The following MMEL1 variants were observed in gnomAD, a reference collection of about 807,000 sequenced individuals.
The protein encoded by MMEL1 is membrane metalloendopeptidase like 1.
In MMEL1, 98 loss-of-function variants were observed where a neutral mutation model predicts 117.1. That is an observed-to-expected ratio of 0.84 (90% CI 0.71 to 0.99). The LOEUF (loss-of-function observed/expected upper bound fraction) is 0.99. MMEL1 is among the 50% of genes least tolerant of loss of function. MMEL1 has a pLI of 0.00. For missense variants in MMEL1, 1,014 were observed against 1,049.1 expected, an observed-to-expected ratio of 0.97 and a Z score of 0.46; for synonymous variants, 390 against 415.1, an observed-to-expected ratio of 0.94 and a Z score of 0.74.
Position 2,629,536 on chromosome 1 carries a change from C to CAGGGGAGAGGGGAG in MMEL1, c.-37-29_-37-16dup, listed in dbSNP as rs559249154. On this transcript the variant is annotated splice_polypyrimidine_tract_variant and intron_variant, in intron 1 of 23. Coordinates refer to ENST00000378412, the MANE Select transcript of MMEL1 (RefSeq NM_033467.4). ...CGCGGAGGAACCTGCAGGCCCAGGG[C>CAGGGGAGAGGGGAG]AGGGGAGAGGGGAGAGGGGCGTGGA... The CAGGGGAGAGGGGAG allele has an allele frequency of 7.1e-6, 10 of 1,417,252 alleles. No individual in the cohort carries two copies. Among genetic ancestry groups the CAGGGGAGAGGGGAG allele is most frequent in the African/African-American group, 1.5e-5 (1 of 67,288 alleles). 87.8% of individuals were successfully genotyped at this position (1,417,252 alleles called of 1,614,324 possible).
intron 11 of MMEL1, among the ~76,000 whole-genome samples, chr1:2,600,028 T>C (rs6689711): frequency 0.58 from 88,207 of 151,886 alleles, 26,721 homozygotes; most frequent in Non-Finnish European, 0.68. Flanking sequence ...AGTGCAGCAG[T>C]GCAATCTTGG....
intron 8 of MMEL1, among the ~76,000 whole-genome samples, 167 bp from the exon 9 acceptor site, chr1:2,605,790 C>T (rs115315993): frequency 0.047 from 6,069 of 130,196 alleles, 224 homozygotes; most frequent in African/African-American, 0.11. Flanking sequence ...GACCCTGCCC[C>T]GAGTGATGGT....
intron 18 of MMEL1, 81 bp downstream of exon 18, chr1:2,594,304 G>C (rs1644794988): frequency 7.0e-7 from 1 of 1,419,194 alleles, no homozygotes. Flanking sequence ...CCAGGAGGAA[G>C]GGATGGGCAG....
chr1:2,606,183 GC>G (rs1645023571), intron 8 of MMEL1, 64 bp downstream of exon 8: 1 of 1,315,896 alleles, frequency 7.6e-7, no homozygotes, highest in Middle Eastern at 1.9e-4. Context: ...CTTCTGCTGT[GC>G]TGCAAGAGCC....
In MMEL1 at chr1:2,631,347, T is replaced by C. The variant is rs897594348; in HGVS notation, c.-38+1519A>G. On this transcript the variant is annotated intron_variant, in intron 1 of 23. Coordinates refer to ENST00000378412, the MANE Select transcript of MMEL1 (RefSeq NM_033467.4). ...TGTGGGTGGGTCAGGGACTGGCTGC[T>C]GAGACTGCCAGCACCTGGGCTAAAT... 1.6e-4 allele frequency among the ~76,000 whole-genome samples: 25 copies of C among 152,256 alleles called. No homozygotes were observed. In the Middle Eastern group the frequency reaches 0.02, roughly 124 times the overall value.
At chr1:2,596,803 C>T in intron 13 of MMEL1, 114 bp from the exon 14 acceptor site, 1 of 1,323,112 alleles carries the variant, frequency 7.6e-7, no homozygotes, top group Non-Finnish European at 1.0e-6. Context: ...CTCAGGGTGC[C>T]CCGGGGCTAG....
At position 2,594,019 on chromosome 1, in the gene MMEL1, C is replaced by G. The variant is rs1227562206; in HGVS notation, c.1748-86G>C. 4 of 1,468,186 alleles carry G rather than the reference C, an allele frequency of 2.7e-6. No homozygotes were observed. In the East Asian group the frequency reaches 9.4e-5, roughly 34 times the overall value. The allele number at this position is 1,468,186 out of a possible 1,614,324, so 90.9% of individuals were successfully genotyped here. On this transcript the variant is annotated intron_variant, in intron 18 of 23. Transcript: ENST00000378412. ...CTCAGGGATGGCGCTGCCAGGGGTTCTGACACTTGATCCCACAGACCGGGA... is the reference window on the plus strand; with the variant it reads ...CTCAGGGATGGCGCTGCCAGGGGTTGTGACACTTGATCCCACAGACCGGGA...
intron 1 of MMEL1, chr1:2,629,919 C>T (rs1460207757): frequency 1.2e-5 from 2 of 160,556 alleles, no homozygotes; most frequent in East Asian, 1.8e-4. Context: ...TTCTGGGCTC[C>T]CAGCCCACCT....
intron 1 of MMEL1, chr1:2,629,761 G>A (rs925424934): frequency 2.6e-6 from 1 of 385,564 alleles, no homozygotes; most frequent in Non-Finnish European, 4.6e-6. Context: ...CCAGCTTGGG[G>A]TCGCAAGCTG....
intron 1 of MMEL1, among the ~76,000 whole-genome samples, chr1:2,632,061 C>A (rs542300193): frequency 1.3e-4 from 20 of 152,292 alleles, no homozygotes; most frequent in South Asian, 4.1e-4. Context: ...CCTCCCCTTA[C>A]CCTCAGGCAG....
At position 2,612,965 on chromosome 1, in the gene MMEL1, C is replaced by G. The variant is rs1645152582; in HGVS notation, c.155-761G>C. 6.6e-6 allele frequency among the ~76,000 whole-genome samples: 1 copy of G among 152,184 alleles called. No homozygotes were observed. Among genetic ancestry groups the G allele is most frequent in the Non-Finnish European group, 1.5e-5 (1 of 68,026 alleles). The stretch of plus-strand genomic sequence containing the variant: ...ATGGAAGGAGGGAACAGGGCTCGTT[C>G]AGGTCAGGGCTGTTGGCAGGCCTGG... On this transcript the variant is annotated intron_variant, in intron 2 of 23. Coordinates refer to ENST00000378412, the MANE Select transcript of MMEL1 (RefSeq NM_033467.4). The surrounding 1 kb of genome is among the most constrained non-coding windows in gnomAD (Gnocchi z 5.4).
intron 2 of MMEL1, among the ~76,000 whole-genome samples, chr1:2,618,538 G>T (rs1260993861): frequency 6.6e-6 from 1 of 152,142 alleles, no homozygotes; most frequent in Non-Finnish European, 1.5e-5. Context: ...AAGGCACAAA[G>T]AACTTCACAG....
chr1:2,594,167 C>A, intron 18 of MMEL1: 2 of 774,888 alleles, frequency 2.6e-6, no homozygotes, highest in East Asian at 5.4e-5. Flanking sequence ...GTTCTGCCTG[C>A]AGGAAAGGCT....
In MMEL1 at chr1:2,594,370, G is replaced by A. The variant is rs371074815; in HGVS notation, c.1747+15C>T. The stretch of plus-strand genomic sequence containing the variant: ...ACCAAAGGGCCTGGGCAGGCAGGGA[G>A]GGGGAGGAACTTACCAATCTGGTTT... On this transcript the variant is annotated intron_variant, in intron 18 of 23. Coordinates refer to ENST00000378412, the MANE Select transcript of MMEL1 (RefSeq NM_033467.4). 24 of 1,551,608 alleles carry A rather than the reference G, an allele frequency of 1.5e-5. No individual in the cohort carries two copies. The highest frequency in any genetic ancestry group is 1.9e-5 in the Non-Finnish European group (22 of 1,146,886).
At chr1:2,608,934 TATAC>T (rs1365740304) in intron 6 of MMEL1, among the ~76,000 whole-genome samples, 9 of 152,102 alleles carry the variant, frequency 5.9e-5, no homozygotes, top group Middle Eastern at 3.4e-3. Context: ...CGTATACACA[TATAC>T]ATACACAATA....
chr1:2,591,685 AG>A, intron 22 of MMEL1, 52 bp from the exon 23 acceptor site: 1 of 337,782 alleles, frequency 3.0e-6, no homozygotes, highest in African/African-American at 4.5e-5. Flanking sequence ...GGTGGCCAGG[AG>A]GGGTGGGGGA....
rs753109675 is a variant in MMEL1 at position 2,594,856 on chromosome 1, A to G, written c.1622T>C (p.Leu541Pro). ...CTGGGCGCCCACCTTGAGGTTCTGC[A>G]GACTGTTCTCAAAGTACAGGTCCTC... is the stretch of plus-strand genomic sequence containing the variant. ...FSEDLYFENS[L>P]QNLKVGAQRS... Residue 541 changes from leucine to proline, a missense_variant, in exon 17 of 24, where the codon CTG becomes CCG. Coordinates refer to ENST00000378412, the MANE Select transcript of MMEL1 (RefSeq NM_033467.4). 3 of 1,614,006 alleles carry G rather than the reference A, an allele frequency of 1.9e-6. No individual in the cohort carries two copies. The highest frequency in any genetic ancestry group is 2.2e-5 in the East Asian group (1 of 44,880).
intron 2 of MMEL1, among the ~76,000 whole-genome samples, chr1:2,623,627 G>T (rs1254790245): frequency 6.6e-6 from 1 of 152,216 alleles, no homozygotes; most frequent in African/African-American, 2.4e-5. Flanking sequence ...GCTGCTACAT[G>T]AGTTTGGAGT....
chr1:2,601,543 GATCTGCACAC>G (rs1269660973), intron 11 of MMEL1, among the ~76,000 whole-genome samples: 1 of 152,152 alleles, frequency 6.6e-6, no homozygotes, highest in African/African-American at 2.4e-5. Context: ...ACGAAGAAGA[GATCTGCACAC>G]ATTTGCTAAG....
Sources: allele counts gnomAD v4.1 joint callset (sites outside exome capture counted in the v4.1 genomes callset), GRCh38; gene constraint gnomAD v4.1.1; non-coding constraint Gnocchi (gnomAD v3.1); transcripts MANE v1.5; gene names NCBI Gene and HGNC (gene_info 2026-07-23, HGNC 2026-07-21).